The following SLC16A7 variants were observed in gnomAD, a reference collection of about 807,000 sequenced individuals.
SLC16A7 encodes the protein solute carrier family 16 member 7.
Under a neutral mutation model 34.9 loss-of-function variants are expected in SLC16A7, and 33 were observed. That is an observed-to-expected ratio of 0.94 (90% CI 0.72 to 1.26). The LOEUF is 1.26. Ranked by LOEUF, SLC16A7 falls within the 50% of genes most tolerant of loss-of-function variation. The probability of loss-of-function intolerance (pLI) is 0.00; values close to 1 mark genes in which losing one functional copy is unlikely to be tolerated. For synonymous variants in SLC16A7, 201 were observed against 206.6 expected, an observed-to-expected ratio of 0.97 and a Z score of 0.23; for missense variants, 573 against 578.1, an observed-to-expected ratio of 0.99 and a Z score of 0.09.
At chr12:59,674,320 T>C (rs1210076602) in intron 2 of SLC16A7, among the ~76,000 whole-genome samples, 2 of 152,184 alleles carry the variant, frequency 1.3e-5, no homozygotes, top group Non-Finnish European at 2.9e-5. Flanking sequence ...TGTTTCATCT[T>C]TGTACCCCTA....
At chr12:59,694,272 C>T (rs983947979) in intron 2 of SLC16A7, among the ~76,000 whole-genome samples, 1 of 151,934 alleles carries the variant, frequency 6.6e-6, no homozygotes, top group African/African-American at 2.4e-5. Flanking sequence ...AGCCTTCTCA[C>T]TGGCTTAAGG....
chr12:59,669,546 C>T (rs1869495733), intron 2 of SLC16A7, among the ~76,000 whole-genome samples: 1 of 152,024 alleles, frequency 6.6e-6, no homozygotes, highest in South Asian at 2.1e-4. Flanking sequence ...TACACAAATA[C>T]ATTTAACCAT....
At chr12:59,627,192 T>C (rs1301879838) in intron 1 of SLC16A7, among the ~76,000 whole-genome samples, 4 of 151,894 alleles carry the variant, frequency 2.6e-5, no homozygotes, top group Non-Finnish European at 5.9e-5. Context: ...CAAGAGAGTT[T>C]ATGCACAATT....
At chr12:59,636,613 A>T (rs1880440193) in intron 1 of SLC16A7, among the ~76,000 whole-genome samples, 2 of 152,078 alleles carry the variant, frequency 1.3e-5, no homozygotes, top group African/African-American at 4.8e-5. Flanking sequence ...ACAGGTGTGC[A>T]CCACCACACC....
chr12:59,696,152 G>GT (rs924698814), intron 2 of SLC16A7, among the ~76,000 whole-genome samples: 141 of 150,906 alleles, frequency 9.3e-4, no homozygotes, highest in African/African-American at 3.1e-3. Context: ...GTAATCTACT[G>GT]TTTTTTTCAA....
At chr12:59,615,531 G>T (rs1324309590) in intron 1 of SLC16A7, among the ~76,000 whole-genome samples, 1 of 152,182 alleles carries the variant, frequency 6.6e-6, no homozygotes, top group African/African-American at 2.4e-5. Context: ...GGCACATGGA[G>T]AGGCCTATGT....
At chr12:59,757,364 G>A (rs1286346429) in intron 3 of SLC16A7, among the ~76,000 whole-genome samples, 4 of 152,070 alleles carry the variant, frequency 2.6e-5, no homozygotes, top group Non-Finnish European at 5.9e-5. Flanking sequence ...TAACAAACCT[G>A]CACATTCTGC....
At chr12:59,716,620 G>A (rs1399447864) in intron 3 of SLC16A7, among the ~76,000 whole-genome samples, 1 of 152,172 alleles carries the variant, frequency 6.6e-6, no homozygotes, top group African/African-American at 2.4e-5. Flanking sequence ...GGCCAAGGCA[G>A]GGGGATCACT....
chr12:59,660,297 C>A lies in SLC16A7; in HGVS notation c.-31+5047C>A, dbSNP rs116264972. Among the ~76,000 whole-genome samples the A allele has an allele frequency of 1.2e-3, 185 of 152,132 alleles. 1 individual carries two copies. The highest frequency in any genetic ancestry group is 4.1e-3 in the African/African-American group (170 of 41,536). Reference sequence around the variant, plus strand: ...AAAAGAGGTCCACGTCTTCCATCTGCTGCTGAGGAGAACACCAAGAAAGTC... The same window carrying A: ...AAAAGAGGTCCACGTCTTCCATCTGATGCTGAGGAGAACACCAAGAAAGTC... On this transcript the variant is annotated intron_variant, in intron 2 of 5. Transcript: ENST00000547379.
chr12:59,597,026 G>C (rs897918704), intron 1 of SLC16A7: 1 of 152,314 alleles, frequency 6.6e-6, no homozygotes, highest in African/African-American at 2.4e-5. Flanking sequence ...CACAGGCTGC[G>C]AGCCCGCTCA....
At chr12:59,605,089 G>T (rs1878875055) in intron 1 of SLC16A7, among the ~76,000 whole-genome samples, 1 of 152,096 alleles carries the variant, frequency 6.6e-6, no homozygotes, top group Non-Finnish European at 1.5e-5. Flanking sequence ...CTGACCTTTT[G>T]ATCCTCCCAC....
At chr12:59,759,933 A>G (rs1880827571) in intron 3 of SLC16A7, among the ~76,000 whole-genome samples, 1 of 151,984 alleles carries the variant, frequency 6.6e-6, no homozygotes, top group East Asian at 1.9e-4. Context: ...ATTTATGTGT[A>G]GATCAAAAAT....
chr12:59,752,098 C>T (rs577107412), intron 3 of SLC16A7, among the ~76,000 whole-genome samples: 2 of 152,118 alleles, frequency 1.3e-5, no homozygotes, highest in Non-Finnish European at 2.9e-5. Flanking sequence ...ACACCAAAAA[C>T]CCATCTGTAC....
chr12:59,684,435 C>T (rs1204240743), intron 2 of SLC16A7, among the ~76,000 whole-genome samples: 1 of 152,150 alleles, frequency 6.6e-6, no homozygotes, highest in African/African-American at 2.4e-5. Context: ...TGTTGTCCTT[C>T]TAGTGAGCAG....
intron 2 of SLC16A7, among the ~76,000 whole-genome samples, chr12:59,684,462 A>C (rs780241754): frequency 6.6e-6 from 1 of 152,264 alleles, no homozygotes; most frequent in African/African-American, 2.4e-5. Flanking sequence ...AAGGACAGCA[A>C]CCTGGTGCTC....
At chr12:59,753,840 G>C (rs1456834047) in intron 3 of SLC16A7, among the ~76,000 whole-genome samples, 1 of 151,962 alleles carries the variant, frequency 6.6e-6, no homozygotes, top group Non-Finnish European at 1.5e-5. Context: ...TTCCAAAATT[G>C]ACCACATACT....
chr12:59,681,947 A>C (rs970429323), intron 2 of SLC16A7, among the ~76,000 whole-genome samples: 1 of 150,586 alleles, frequency 6.6e-6, no homozygotes, highest in Non-Finnish European at 1.5e-5. Context: ...GACCCCGAGA[A>C]TCTCATAACA....
intron 3 of SLC16A7, 122 bp from the exon 4 acceptor site, chr12:59,771,097 C>T: frequency 1.2e-6 from 1 of 831,056 alleles, no homozygotes; most frequent in Non-Finnish European, 1.9e-6. Flanking sequence ...TTCATGTGAA[C>T]TAGTATTTCT....
intron 3 of SLC16A7, among the ~76,000 whole-genome samples, chr12:59,709,785 G>A (rs1874011940): frequency 6.6e-6 from 1 of 151,552 alleles, no homozygotes; most frequent in African/African-American, 2.4e-5. Flanking sequence ...ATATGGTACA[G>A]TGTGGCAGAA....
Sources: allele counts gnomAD v4.1 joint callset (sites outside exome capture counted in the v4.1 genomes callset), GRCh38; gene constraint gnomAD v4.1.1; transcripts MANE v1.5; gene names NCBI Gene and HGNC (gene_info 2026-07-23, HGNC 2026-07-21).